The following IMMP2L variants were observed in gnomAD, a reference collection of about 807,000 sequenced individuals.
IMMP2L encodes the protein inner mitochondrial membrane peptidase subunit 2.
In IMMP2L, 18 loss-of-function variants were observed where a neutral mutation model predicts 19.3. That is an observed-to-expected ratio of 0.93 (90% CI 0.64 to 1.38). The LOEUF (loss-of-function observed/expected upper bound fraction) is 1.38, where lower values mean the gene tolerates loss of function less well. Among genes scored for constraint, IMMP2L ranks in the 40% most tolerant of loss-of-function variants. The probability of loss-of-function intolerance (pLI) is 0.00; values close to 1 mark genes in which losing one functional copy is unlikely to be tolerated. For synonymous variants in IMMP2L, 76 were observed against 73.0 expected (o/e 1.04, Z -0.21); for missense variants, 233 against 218.2 (o/e 1.07, Z -0.43).
chr7:111,511,983 A>C (rs1362016616), intron 2 of IMMP2L, among the ~76,000 whole-genome samples: 1 of 152,178 alleles, frequency 6.6e-6, no homozygotes, highest in Admixed American at 6.5e-5. Flanking sequence ...CAATTTCTTT[A>C]GAAGTTAAAC....
chr7:110,962,582 G>T, intron 4 of IMMP2L: 2 of 258,238 alleles, frequency 7.7e-6, no homozygotes, highest in Non-Finnish European at 1.2e-5. Flanking sequence ...AAGAGAATGA[G>T]AGTGAAAAAC....
At chr7:111,511,753 C>G (rs1303679932) in intron 2 of IMMP2L, among the ~76,000 whole-genome samples, 1 of 151,992 alleles carries the variant, frequency 6.6e-6, no homozygotes, top group East Asian at 1.9e-4. Context: ...AATAACCATC[C>G]TAATCCAGTC....
intron 5 of IMMP2L, among the ~76,000 whole-genome samples, chr7:110,815,698 G>A (rs888596557): frequency 3.3e-5 from 5 of 152,030 alleles, no homozygotes; most frequent in South Asian, 2.1e-4. Flanking sequence ...GTCTTGGGAG[G>A]GTGTATGTGT....
At chr7:111,075,331 T>C (rs1002345029) in intron 3 of IMMP2L, among the ~76,000 whole-genome samples, 3 of 152,194 alleles carry the variant, frequency 2.0e-5, no homozygotes, top group Middle Eastern at 3.4e-3. Flanking sequence ...TTTCACCATG[T>C]TGGCCAGGCT....
intron 3 of IMMP2L, among the ~76,000 whole-genome samples, chr7:111,010,221 A>G (rs1252397707): frequency 6.6e-6 from 1 of 152,168 alleles, no homozygotes; most frequent in Non-Finnish European, 1.5e-5. Context: ...TTTCTAATAC[A>G]TATTTTCAAA....
At chr7:111,439,896 C>T (rs1352254549) in intron 3 of IMMP2L, among the ~76,000 whole-genome samples, 1 of 151,840 alleles carries the variant, frequency 6.6e-6, no homozygotes, top group Non-Finnish European at 1.5e-5. Context: ...TGGGATATTC[C>T]AAATCCTTTG....
intron 3 of IMMP2L, among the ~76,000 whole-genome samples, chr7:111,021,883 AAAACAAACAAAC>A (rs35897140): frequency 6.7e-6 from 1 of 150,310 alleles, no homozygotes; most frequent in Non-Finnish European, 1.5e-5. Flanking sequence ...ACTCCATATC[AAAACAAACAAAC>A]AAACAAACAA....
chr7:111,134,093 AT>A (rs1279785604), intron 3 of IMMP2L, among the ~76,000 whole-genome samples: 1 of 152,070 alleles, frequency 6.6e-6, no homozygotes, highest in African/African-American at 2.4e-5. Flanking sequence ...TGATTTTAAG[AT>A]TGACCTAGTT....
At chr7:111,479,507 C>T (rs563482565) in intron 3 of IMMP2L, among the ~76,000 whole-genome samples, 3 of 152,098 alleles carry the variant, frequency 2.0e-5, no homozygotes, top group South Asian at 4.2e-4. Context: ...CCTTATATGA[C>T]GGTTGATTTG....
intron 1 of IMMP2L, among the ~76,000 whole-genome samples, chr7:111,551,035 A>C (rs1849404758): frequency 6.6e-6 from 1 of 152,180 alleles, no homozygotes; most frequent in African/African-American, 2.4e-5. Context: ...TATGAAATGA[A>C]ATTATCCTAA....
rs185358244 is a variant in IMMP2L, at chr7:111,277,091, G to A, written c.239+210147C>T. Among the ~76,000 whole-genome samples, 144 of 151,914 alleles carry A rather than the reference G, an allele frequency of 9.5e-4. 1 individual carries two copies. Among genetic ancestry groups the A allele is most frequent in the African/African-American group, 2.1e-3 (88 of 41,442 alleles). ...TGACCAAGTTCTCAAAAGCAAAAGC[G>A]ACAAAACTAAAAATAGACAAATAGG... On this transcript the variant is annotated intron_variant, in intron 3 of 5. Transcript: ENST00000405709.
At chr7:111,222,106 GC>G (rs1812581757) in intron 3 of IMMP2L, among the ~76,000 whole-genome samples, 1 of 151,906 alleles carries the variant, frequency 6.6e-6, no homozygotes, top group Non-Finnish European at 1.5e-5. Context: ...TGATTATAAT[GC>G]CACCTCAATT....
At chr7:111,554,158 C>G (rs1790989612) in intron 1 of IMMP2L, among the ~76,000 whole-genome samples, 1 of 152,136 alleles carries the variant, frequency 6.6e-6, no homozygotes, top group Non-Finnish European at 1.5e-5. Flanking sequence ...TTGAAAATAT[C>G]ACTGCCTGGA....
chr7:111,054,269 A>T (rs1201579287), intron 3 of IMMP2L, among the ~76,000 whole-genome samples: 1 of 152,158 alleles, frequency 6.6e-6, no homozygotes, highest in East Asian at 1.9e-4. Context: ...TGTTGTTTTG[A>T]CTTTTTAAAT....
In IMMP2L at chr7:111,332,928, A is replaced by G. The variant is rs186759387; in HGVS notation, c.239+154310T>C. On this transcript the variant is annotated intron_variant, in intron 3 of 5. Coordinates refer to ENST00000405709, the MANE Select transcript of IMMP2L (RefSeq NM_032549.4). Reference sequence around the variant, plus strand: ...TTGGATTAAATGAAATCAGTCTACTACTCCACAATGGAGGTAAGGGATATC... The same window carrying G: ...TTGGATTAAATGAAATCAGTCTACTGCTCCACAATGGAGGTAAGGGATATC... Among the ~76,000 whole-genome samples the G allele has an allele frequency of 3.9e-3, 588 of 152,178 alleles. 3 individuals carry two copies. The highest frequency in any genetic ancestry group is 6.6e-3 in the Non-Finnish European group (450 of 68,000).
chr7:111,289,166 C>A (rs10953685), intron 3 of IMMP2L, among the ~76,000 whole-genome samples: 1 of 151,130 alleles, frequency 6.6e-6, no homozygotes, highest in Non-Finnish European at 1.5e-5. Flanking sequence ...ACTAACACAA[C>A]AACAGAAAAC....
At chr7:110,827,404 C>T (rs1455095699) in intron 5 of IMMP2L, among the ~76,000 whole-genome samples, 2 of 152,148 alleles carry the variant, frequency 1.3e-5, no homozygotes, top group Non-Finnish European at 2.9e-5. Context: ...ATGGTCCTTG[C>T]TTTGCCCTCT....
chr7:110,955,640 G>A (rs1428743980), intron 4 of IMMP2L, among the ~76,000 whole-genome samples: 1 of 151,894 alleles, frequency 6.6e-6, no homozygotes, highest in African/African-American at 2.4e-5. Context: ...CAACAACTCA[G>A]AAACAGTGTA....
intron 3 of IMMP2L, among the ~76,000 whole-genome samples, chr7:111,403,881 G>A (rs1422512250): frequency 1.3e-5 from 2 of 152,000 alleles, no homozygotes; most frequent in East Asian, 3.9e-4. Flanking sequence ...TAATATTGGG[G>A]CAAAATTAGC....
Sources: gnomAD v4.1 joint callset for allele counts (sites outside exome capture counted in the v4.1 genomes callset) on GRCh38, gnomAD v4.1.1 for gene constraint, MANE v1.5 for transcripts, NCBI Gene and HGNC (gene_info 2026-07-23, HGNC 2026-07-21) for gene names.